Variants in PRKAG2 observed in about 807,000 individuals in gnomAD.
PRKAG2 encodes the protein protein kinase AMP-activated non-catalytic subunit gamma 2.
Under a neutral mutation model 69.6 loss-of-function variants are expected in PRKAG2, and 26 were observed. That is an observed-to-expected ratio of 0.37 (90% CI 0.27 to 0.52). The LOEUF (loss-of-function observed/expected upper bound fraction) is 0.52, where lower values mean the gene tolerates loss of function less well. Among genes scored for constraint, PRKAG2 ranks in the 20% least tolerant of loss-of-function variants. The pLI, the probability that PRKAG2 is intolerant of heterozygous loss-of-function variation, is 0.90. For synonymous variants in PRKAG2, 293 were observed against 285.0 expected (o/e 1.03, Z -0.28); for missense variants, 557 against 740.0 (o/e 0.75, Z 2.87).
intron 3 of PRKAG2, among the ~76,000 whole-genome samples, chr7:151,728,373 C>T (rs1437839502): frequency 6.6e-6 from 1 of 152,140 alleles, no homozygotes; most frequent in African/African-American, 2.4e-5. Flanking sequence ...ATTGGAACCC[C>T]GGGTGACCAT....
At chr7:151,726,094 C>T (rs986335214) in intron 3 of PRKAG2, among the ~76,000 whole-genome samples, 3 of 152,060 alleles carry the variant, frequency 2.0e-5, no homozygotes, top group Admixed American at 1.3e-4. Flanking sequence ...CACAGGGGTC[C>T]CACCTGCTAT....
chr7:151,625,651 G>A (rs765935567), intron 5 of PRKAG2, among the ~76,000 whole-genome samples: 4 of 152,166 alleles, frequency 2.6e-5, no homozygotes, highest in East Asian at 1.9e-4. Context: ...TGAACAAGCC[G>A]GAAGCAGCAG....
rs377011084 is a variant in PRKAG2 at position 151,808,848 on chromosome 7, C to T, written c.115-22307G>A. Among the ~76,000 whole-genome samples, 397 of 152,316 alleles carry T rather than the reference C, an allele frequency of 2.6e-3. 5 individuals carry two copies. Among genetic ancestry groups the T allele is most frequent in the African/African-American group, 9.2e-3 (384 of 41,584 alleles). On this transcript the variant is annotated intron_variant, in intron 1 of 15. Coordinates refer to ENST00000287878, the MANE Select transcript of PRKAG2 (RefSeq NM_016203.4). Reference sequence around the variant, plus strand: ...CAAGTCCTGCAGTCTGTGAGACCCCCGAAGGGTCTGGGCCAGCATCCAAGG... The same window carrying T: ...CAAGTCCTGCAGTCTGTGAGACCCCTGAAGGGTCTGGGCCAGCATCCAAGG...
rs1344811248 is a variant in PRKAG2 at position 151,855,046 on chromosome 7, C to T, written c.114+21461G>A. 3.4e-3 allele frequency among the ~76,000 whole-genome samples: 90 copies of T among 26,656 alleles called. 9 individuals carry two copies. Among genetic ancestry groups the T allele is most frequent in the African/African-American group, 7.7e-3 (71 of 9,220 alleles). The allele number at this position is 26,656 out of a possible 152,430, so 17.5% of individuals were successfully genotyped here. Reference sequence around the variant, plus strand: ...CACACACCATGCTCCACACACACCGCCCTCCACACACACCATCCTCCACAC... The same window carrying T: ...CACACACCATGCTCCACACACACCGTCCTCCACACACACCATCCTCCACAC... On this transcript the variant is annotated intron_variant, in intron 1 of 15. Coordinates refer to ENST00000287878, the MANE Select transcript of PRKAG2 (RefSeq NM_016203.4).
intron 3 of PRKAG2, among the ~76,000 whole-genome samples, chr7:151,772,644 G>T (rs150025409): frequency 2.1e-3 from 317 of 152,226 alleles, no homozygotes; most frequent in African/African-American, 7.3e-3. Flanking sequence ...TGTTTTGGAG[G>T]TACATTACTT....
At chr7:151,872,316 T>G (rs1383595415) in intron 1 of PRKAG2, among the ~76,000 whole-genome samples, 2 of 152,214 alleles carry the variant, frequency 1.3e-5, no homozygotes, top group African/African-American at 4.8e-5. Flanking sequence ...GTACTTGAGT[T>G]GGTTTCCTTG....
chr7:151,726,371 G>GACACACACACACACACACACACACAC (rs60238080), intron 3 of PRKAG2, among the ~76,000 whole-genome samples: 1 of 148,284 alleles, frequency 6.7e-6, no homozygotes, highest in African/African-American at 2.5e-5. Flanking sequence ...AGGGAGGCAG[G>GACACACACACACACACACACACACAC]ACACACACAC....
chr7:151,821,720 C>T (rs12532553), intron 1 of PRKAG2, among the ~76,000 whole-genome samples: 64,530 of 151,986 alleles, frequency 0.42, 14,003 homozygotes, highest in East Asian at 0.63. Flanking sequence ...TGCCTCTACT[C>T]ACCCTTTGAA....
rs191731469 is a variant in PRKAG2, at chr7:151,618,697, G to C, written c.754+13372C>G. 7.6e-4 allele frequency among the ~76,000 whole-genome samples: 116 copies of C among 152,200 alleles called. 2 individuals are homozygous for C. The Middle Eastern group carries it at 0.01, about 13-fold the overall frequency. ...GGAGAATTGCTTGAACCTAGGAGGC[G>C]GGGTTTGCAGTGAGCTGAGATCGCA... On this transcript the variant is annotated intron_variant, in intron 5 of 15. Coordinates refer to ENST00000287878, the MANE Select transcript of PRKAG2 (RefSeq NM_016203.4).
intron 6 of PRKAG2, among the ~76,000 whole-genome samples, chr7:151,581,060 AT>A (rs1345340969): frequency 2.0e-5 from 3 of 152,212 alleles, no homozygotes; most frequent in African/African-American, 7.2e-5. Flanking sequence ...CATGCACCCT[AT>A]AAGTATATAC....
At chr7:151,745,403 T>A (rs2151723191) in intron 3 of PRKAG2, among the ~76,000 whole-genome samples, 1 of 152,304 alleles carries the variant, frequency 6.6e-6, no homozygotes, top group Non-Finnish European at 1.5e-5. Flanking sequence ...GTCGCCTCAC[T>A]GGGGCCTCCA....
In PRKAG2 at chr7:151,781,524, A is replaced by C; in HGVS notation, c.187-93T>G. Reference sequence around the variant, plus strand: ...GAAACTTATCATTGTCCTCTCTCACATGCGGGCCCCCCATAGTACCCTCCC... The same window carrying C: ...GAAACTTATCATTGTCCTCTCTCACCTGCGGGCCCCCCATAGTACCCTCCC... On this transcript the variant is annotated intron_variant, in intron 2 of 15. Coordinates refer to ENST00000287878, the MANE Select transcript of PRKAG2 (RefSeq NM_016203.4). This position sits in a 1 kb window ranked among gnomAD's most constrained non-coding sequence, Gnocchi z 6.1. 6.9e-7 allele frequency: 1 copy of C among 1,444,074 alleles called. No individual in the cohort carries two copies. Among genetic ancestry groups the C allele is most frequent in the Non-Finnish European group, 9.4e-7 (1 of 1,063,510 alleles). The allele number at this position is 1,444,074 out of a possible 1,614,324, so 89.5% of individuals were successfully genotyped here. A position where few individuals can be genotyped will look rare whatever the true frequency, so the allele number is the denominator to read the frequency against.
At chr7:151,688,009 G>A (rs1233553597) in intron 3 of PRKAG2, among the ~76,000 whole-genome samples, 5 of 141,200 alleles carry the variant, frequency 3.5e-5, no homozygotes, top group Admixed American at 3.5e-4. Flanking sequence ...TTTGGAAGGG[G>A]AGGGAGGAGG....
chr7:151,748,865 G>A (rs964753182), intron 3 of PRKAG2, among the ~76,000 whole-genome samples: 3 of 152,258 alleles, frequency 2.0e-5, no homozygotes, highest in East Asian at 3.8e-4. Context: ...CGCCGCGCCC[G>A]CAGCCAGAGA....
At position 151,876,770 on chromosome 7, in the gene PRKAG2, AG is replaced by A; in HGVS notation, c.-151del. ...ACTTCCGCGGAGAGGGAGGGTGAGCAGGGAACTCGCGCGGCCGCCGCCGCCG... is the reference window on the plus strand; with the variant it reads ...ACTTCCGCGGAGAGGGAGGGTGAGCAGGAACTCGCGCGGCCGCCGCCGCCG... On this transcript the variant is annotated 5_prime_UTR_variant, in exon 1 of 16. Coordinates refer to ENST00000287878, the MANE Select transcript of PRKAG2 (RefSeq NM_016203.4). The A allele has an allele frequency of 1.3e-6, 1 of 791,092 alleles. No individual in the cohort carries two copies. The highest frequency in any genetic ancestry group is 2.1e-6 in the Non-Finnish European group (1 of 477,804). 49.0% of individuals were successfully genotyped at this position (791,092 alleles called of 1,614,324 possible).
chr7:151,676,613 C>T lies in PRKAG2; in HGVS notation c.467-976G>A, dbSNP rs78565105. On this transcript the variant is annotated intron_variant, in intron 3 of 15. Coordinates refer to ENST00000287878, the MANE Select transcript of PRKAG2 (RefSeq NM_016203.4). ...ACTTATTTATGTAATTTTTAAGTGG[C>T]GAGTGTACACCTAATTCATTACCAT... Among the ~76,000 whole-genome samples, 1,069 of 152,166 alleles carry T rather than the reference C, an allele frequency of 7.0e-3. 17 individuals are homozygous for T. Among genetic ancestry groups the T allele is most frequent in the African/African-American group, 0.024 (1,015 of 41,494 alleles).
chr7:151,715,713 G>A (rs1181951333), intron 3 of PRKAG2, among the ~76,000 whole-genome samples: 2 of 152,126 alleles, frequency 1.3e-5, no homozygotes, highest in African/African-American at 4.8e-5. Context: ...GGAGGATGGA[G>A]TGGAAGAAGA....
chr7:151,733,295 T>C (rs984630980), intron 3 of PRKAG2, among the ~76,000 whole-genome samples: 4 of 152,226 alleles, frequency 2.6e-5, no homozygotes, highest in Non-Finnish European at 5.9e-5. Context: ...CTCTTGCTGT[T>C]TCCCAAATTC....
chr7:151,560,074 A>G, intron 15 of PRKAG2: 2 of 984,918 alleles, frequency 2.0e-6, no homozygotes, highest in Non-Finnish European at 2.4e-6. Flanking sequence ...TACAATATTA[A>G]TGAATAAAAG....
Sources: gnomAD v4.1 joint callset for allele counts (sites outside exome capture counted in the v4.1 genomes callset) on GRCh38, gnomAD v4.1.1 for gene constraint, Gnocchi (gnomAD v3.1) non-coding constraint, MANE v1.5 for transcripts, NCBI Gene and HGNC (gene_info 2026-07-23, HGNC 2026-07-21) for gene names.